Variants in GLMN observed in about 807,000 individuals in gnomAD.
GLMN encodes the protein glomulin, FKBP associated protein.
GLMN carries 75 observed loss-of-function variants against 87.8 expected under a neutral mutation model. The observed-to-expected ratio is 0.85, with a 90% CI of 0.71 to 1.04. The LOEUF is 1.04. GLMN is among the 50% of genes least tolerant of loss of function. The probability of loss-of-function intolerance (pLI) is 0.00; values close to 1 mark genes in which losing one functional copy is unlikely to be tolerated. For synonymous variants in GLMN, 206 were observed against 221.6 expected, an observed-to-expected ratio of 0.93 and a Z score of 0.63; for missense variants, 588 against 658.8, an observed-to-expected ratio of 0.89 and a Z score of 1.18.
chr1:92,326,127 C>T, the GLMN span, among the ~76,000 whole-genome samples: 3 of 151,452 alleles, frequency 2.0e-5, no homozygotes, highest in South Asian at 2.1e-4. Context: ...GTGGTTGTAC[C>T]GGTTTACAGT....
intron 16 of GLMN, among the ~76,000 whole-genome samples, chr1:92,250,865 C>A (rs558638880): frequency 1.3e-5 from 2 of 151,988 alleles, no homozygotes; most frequent in Admixed American, 6.6e-5. Context: ...TAAAATATAA[C>A]CTTCTAGCTA....
chr1:92,301,075 C>A (rs901005233), upstream of GLMN, among the ~76,000 whole-genome samples: 1 of 152,172 alleles, frequency 6.6e-6, no homozygotes, highest in African/African-American at 2.4e-5. Flanking sequence ...CTGAGACCTG[C>A]GTGCTAAGTA....
At chr1:92,320,850 TCCTC>T in the GLMN span, among the ~76,000 whole-genome samples, 1 of 152,164 alleles carries the variant, frequency 6.6e-6, no homozygotes, top group South Asian at 2.1e-4. Flanking sequence ...GTACAGCTGT[TCCTC>T]CCGAGGAAAT....
At chr1:92,369,652 G>A in the GLMN span, among the ~76,000 whole-genome samples, 1 of 152,062 alleles carries the variant, frequency 6.6e-6, no homozygotes, top group African/African-American at 2.4e-5. Context: ...TTGGAATAGA[G>A]GCTTGAGTCC....
chr1:92,311,632 C>T, the GLMN span, among the ~76,000 whole-genome samples: 4 of 152,126 alleles, frequency 2.6e-5, no homozygotes, highest in Non-Finnish European at 4.4e-5. Flanking sequence ...TGAATTTGAC[C>T]TAATTTGGTC....
upstream of GLMN, chr1:92,301,354 A>T (rs376383002): frequency 8.0e-4 from 321 of 399,654 alleles, no homozygotes; most frequent in African/African-American, 6.2e-3. Context: ...TATTCAAAAA[A>T]TTTTTTAAAT....
chr1:92,266,857 A>C (rs1424009283), intron 11 of GLMN, 116 bp from the exon 12 acceptor site: 5 of 681,672 alleles, frequency 7.3e-6, no homozygotes, highest in African/African-American at 3.6e-5. Flanking sequence ...TAGGAGATTT[A>C]AAAGTGAAGT....
the GLMN span, among the ~76,000 whole-genome samples, chr1:92,364,319 A>C: frequency 6.6e-6 from 1 of 152,300 alleles, no homozygotes; most frequent in East Asian, 1.9e-4. Flanking sequence ...TAAAGCAAGG[A>C]TGCAAGAGGT....
At chr1:92,284,416 A>G (rs1240643733) in intron 7 of GLMN, among the ~76,000 whole-genome samples, 1 of 152,244 alleles carries the variant, frequency 6.6e-6, no homozygotes, top group East Asian at 1.9e-4. Flanking sequence ...CTGGCTAGCC[A>G]TATGTAGAAA....
intron 16 of GLMN, 65 bp downstream of exon 16, chr1:92,262,798 A>G (rs912749318): frequency 9.4e-6 from 7 of 747,632 alleles, no homozygotes; most frequent in African/African-American, 6.8e-5. Flanking sequence ...TAGGTACTGA[A>G]TATCTGAAAC....
the GLMN span, among the ~76,000 whole-genome samples, chr1:92,310,426 A>G: frequency 6.6e-6 from 1 of 152,192 alleles, no homozygotes; most frequent in Non-Finnish European, 1.5e-5. Flanking sequence ...CTGTTTACAT[A>G]TGGCATGGGA....
chr1:92,344,575 CA>C, the GLMN span, among the ~76,000 whole-genome samples: 283 of 152,228 alleles, frequency 1.9e-3, no homozygotes, highest in African/African-American at 6.4e-3. Flanking sequence ...TTTTAACACA[CA>C]TTTTTTTTAT....
the GLMN span, chr1:92,333,296 A>G: frequency 4.2e-6 from 4 of 961,980 alleles, no homozygotes; most frequent in Non-Finnish European, 6.5e-6. Flanking sequence ...TGCCACAGAT[A>G]CAAACTTTTG....
the GLMN span, among the ~76,000 whole-genome samples, chr1:92,343,083 T>C: frequency 6.6e-5 from 10 of 150,896 alleles, no homozygotes; most frequent in African/African-American, 2.2e-4. Flanking sequence ...AAAGAGTGTT[T>C]GTTTATACAG....
At chr1:92,270,976 A>C (rs1008571139) in intron 8 of GLMN, among the ~76,000 whole-genome samples, 2 of 152,208 alleles carry the variant, frequency 1.3e-5, no homozygotes. Flanking sequence ...TTGTCTCAGA[A>C]GTTATGCAAA....
chr1:92,340,948 G>A, the GLMN span, among the ~76,000 whole-genome samples: 4 of 152,104 alleles, frequency 2.6e-5, no homozygotes, highest in Admixed American at 1.3e-4. Flanking sequence ...AATTTAATCA[G>A]TGATGAATCA....
At chr1:92,264,687 G>T in intron 13 of GLMN, 49 bp from the exon 14 acceptor site, 1 of 972,796 alleles carries the variant, frequency 1.0e-6, no homozygotes. Flanking sequence ...GACAGCATTA[G>T]AATTAAATGG....
chr1:92,251,394 C>T (rs1381271784), intron 16 of GLMN, among the ~76,000 whole-genome samples: 1 of 149,674 alleles, frequency 6.7e-6, no homozygotes, highest in Non-Finnish European at 1.5e-5. Context: ...GTGTTGAGGT[C>T]AAAATAAAAG....
chr1:92,332,463 A>G, the GLMN span, among the ~76,000 whole-genome samples: 1 of 152,030 alleles, frequency 6.6e-6, no homozygotes, highest in African/African-American at 2.4e-5. Context: ...TCAGATTTTT[A>G]TCATATTGTC....
Sources: allele counts gnomAD v4.1 joint callset (sites outside exome capture counted in the v4.1 genomes callset), GRCh38; gene constraint gnomAD v4.1.1; transcripts MANE v1.5; gene names NCBI Gene and HGNC (gene_info 2026-07-23, HGNC 2026-07-21).